The following LRRFIP1 variants were observed in gnomAD, a reference collection of about 807,000 sequenced individuals.
The protein encoded by LRRFIP1 is LRR binding FLII interacting protein 1.
In LRRFIP1, 62 loss-of-function variants were observed where a neutral mutation model predicts 104.4. The ratio of observed to expected loss-of-function variants is 0.59; its 90% confidence interval spans 0.48 to 0.73. The LOEUF is 0.73. Among genes scored for constraint, LRRFIP1 ranks in the 30% least tolerant of loss-of-function variants. LRRFIP1 has a pLI of 0.00. For synonymous variants in LRRFIP1, 300 were observed against 299.0 expected (o/e 1.00, Z -0.03); for missense variants, 796 against 824.5 (o/e 0.97, Z 0.42).
intron 1 of LRRFIP1, chr2:237,692,138 C>A: frequency 1.2e-6 from 1 of 843,214 alleles, no homozygotes. Flanking sequence ...CCCTCCGAGG[C>A]GGAACTGCGT....
At chr2:237,704,455 A>G (rs1016955329) in intron 1 of LRRFIP1, among the ~76,000 whole-genome samples, 10 of 151,802 alleles carry the variant, frequency 6.6e-5, no homozygotes, top group Admixed American at 3.3e-4. Context: ...CGCCTGGCCA[A>G]CTCTACGGAT....
At chr2:237,629,979 C>G (rs1311716121) in intron 1 of LRRFIP1, among the ~76,000 whole-genome samples, 1 of 152,156 alleles carries the variant, frequency 6.6e-6, no homozygotes, top group African/African-American at 2.4e-5. Context: ...TTCTCTGGGC[C>G]TCTGTTTTCT....
chr2:237,736,812 C>T (rs556475489), intron 10 of LRRFIP1, among the ~76,000 whole-genome samples: 2 of 152,314 alleles, frequency 1.3e-5, no homozygotes, highest in East Asian at 1.9e-4. Flanking sequence ...ATGAGGAAGA[C>T]GGAAGGGACA....
chr2:237,698,861 A>G (rs1283422276), intron 1 of LRRFIP1, among the ~76,000 whole-genome samples: 1 of 152,254 alleles, frequency 6.6e-6, no homozygotes, highest in African/African-American at 2.4e-5. Flanking sequence ...CTGTCTTTTT[A>G]CAAGTTCCTT....
rs1276645184 is a variant in LRRFIP1 at position 237,769,799 on chromosome 2, C to T, written c.1460-144C>T. ...TGTGGCCTCATTCACCCCGTCCTGT[C>T]TGTGGCCTCATTCACCGTGGTACGT... On this transcript the variant is annotated intron_variant, in intron 19 of 23. Coordinates refer to ENST00000308482, the MANE Select transcript of LRRFIP1 (RefSeq NM_001137550.2). The T allele has an allele frequency of 4.4e-6, 3 of 686,984 alleles. No individual in the cohort carries two copies. The Admixed American group carries it at 6.4e-5, about 15-fold the overall frequency. 42.6% of individuals were successfully genotyped at this position (686,984 alleles called of 1,614,324 possible).
intron 19 of LRRFIP1, chr2:237,763,662 T>C (rs1327067175): frequency 6.2e-7 from 1 of 1,614,152 alleles, no homozygotes; most frequent in Admixed American, 1.7e-5. Context: ...AATCCTAAAA[T>C]TAAGTTGGAT....
At chr2:237,751,177 G>A in intron 13 of LRRFIP1, 23 bp from the exon 14 acceptor site, 2 of 1,570,346 alleles carry the variant, frequency 1.3e-6, no homozygotes, top group Admixed American at 3.5e-5. Flanking sequence ...GACATCATCT[G>A]CCTTTTTTGC....
rs376557592 is a variant in LRRFIP1, at chr2:237,661,825, C to T, written c.96+34085C>T. ...GTAGTTCTGTGGCCCAGCTGAGTGG[C>T]ATAGGCTCTCCTGACCCAGGTACCT... On this transcript the variant is annotated intron_variant, in intron 1 of 23. Coordinates refer to ENST00000308482, the MANE Select transcript of LRRFIP1 (RefSeq NM_001137550.2). This position sits in a 1 kb window ranked among gnomAD's most constrained non-coding sequence, Gnocchi z 4.4. 3.3e-5 allele frequency among the ~76,000 whole-genome samples: 5 copies of T among 152,284 alleles called. No homozygotes were observed. The East Asian group carries it at 9.6e-4, about 29-fold the overall frequency.
intron 1 of LRRFIP1, among the ~76,000 whole-genome samples, chr2:237,628,998 TCGCACCAGG>T (rs1391884355): frequency 2.0e-5 from 3 of 152,156 alleles, no homozygotes; most frequent in African/African-American, 4.8e-5. Context: ...CCCTCTCACA[TCGCACCAGG>T]CCTAAGTCTC....
chr2:237,662,536 A>AT (rs1049007235), intron 1 of LRRFIP1, among the ~76,000 whole-genome samples: 1 of 151,654 alleles, frequency 6.6e-6, no homozygotes, highest in Non-Finnish European at 1.5e-5. Flanking sequence ...GTCTGAATGT[A>AT]TTTTTTTTCT....
intron 11 of LRRFIP1, among the ~76,000 whole-genome samples, chr2:237,739,809 C>T (rs1386531262): frequency 6.6e-6 from 1 of 152,184 alleles, no homozygotes; most frequent in African/African-American, 2.4e-5. Flanking sequence ...CCTATTAGGT[C>T]ATCCCCAGCT....
chr2:237,655,641 G>C (rs1002683996), intron 1 of LRRFIP1, among the ~76,000 whole-genome samples: 1 of 152,208 alleles, frequency 6.6e-6, no homozygotes, highest in East Asian at 1.9e-4. Flanking sequence ...ATCCACTAAA[G>C]CTGATTTGGG....
intron 6 of LRRFIP1, chr2:237,721,109 C>T (rs915206557): frequency 2.8e-6 from 1 of 354,638 alleles, no homozygotes; most frequent in African/African-American, 2.0e-5. Flanking sequence ...TTGATTAGCA[C>T]AGTTGTCTCA....
At chr2:237,680,887 G>A (rs1170642990) in intron 1 of LRRFIP1, among the ~76,000 whole-genome samples, 1 of 152,144 alleles carries the variant, frequency 6.6e-6, no homozygotes, top group East Asian at 1.9e-4. Context: ...AGGCTGAGAT[G>A]GGAGGATCAC....
intron 20 of LRRFIP1, among the ~76,000 whole-genome samples, chr2:237,771,086 T>C (rs2060576345): frequency 6.6e-6 from 1 of 152,126 alleles, no homozygotes. Flanking sequence ...AGGGGTCTCC[T>C]GTGCTTGGTG....
In LRRFIP1 at chr2:237,691,124, G is replaced by T. The variant is rs75481859; in HGVS notation, c.97-17420G>T. ...CGTTACCAAGTTGGGTCAGCGTGCA[G>T]AGAAAAGGGAATTGGGAATTGGAGG... On this transcript the variant is annotated intron_variant, in intron 1 of 23. Coordinates refer to ENST00000308482, the MANE Select transcript of LRRFIP1 (RefSeq NM_001137550.2). This position sits in a 1 kb window ranked among gnomAD's most constrained non-coding sequence, Gnocchi z 5.4. 0.073 allele frequency among the ~76,000 whole-genome samples: 11,014 copies of T among 150,816 alleles called. 1,246 individuals carry two copies. Among genetic ancestry groups the T allele is most frequent in the African/African-American group, 0.25 (9,937 of 40,246 alleles).
At chr2:237,704,254 G>A (rs561809358) in intron 1 of LRRFIP1, among the ~76,000 whole-genome samples, 4 of 150,212 alleles carry the variant, frequency 2.7e-5, no homozygotes, top group East Asian at 2.0e-4. Context: ...CCAGGTTCAC[G>A]TAATTCTTCT....
At position 237,727,965 on chromosome 2, in the gene LRRFIP1, A is replaced by G. The variant is rs1022564832; in HGVS notation, c.444+30A>G. 4.6e-6 allele frequency: 7 copies of G among 1,516,490 alleles called. No homozygotes were observed. The African/African-American group carries it at 9.7e-5, about 21-fold the overall frequency. The allele number at this position is 1,516,490 out of a possible 1,614,324, so 93.9% of individuals were successfully genotyped here. ...GTATAGTAAATTTGCATGGCTCAAA[A>G]TTCAAATAGGTTGTTTCAAAGCTTC... On this transcript the variant is annotated intron_variant, in intron 8 of 23. Transcript: ENST00000308482.
chr2:237,769,750 G>C, intron 19 of LRRFIP1, 193 bp from the exon 20 acceptor site: 1 of 573,894 alleles, frequency 1.7e-6, no homozygotes, highest in South Asian at 2.1e-5. Flanking sequence ...CATGTTCTGG[G>C]AGGTTGACCC....
Sources: gnomAD v4.1 joint callset for allele counts (sites outside exome capture counted in the v4.1 genomes callset) on GRCh38, gnomAD v4.1.1 for gene constraint, Gnocchi (gnomAD v3.1) non-coding constraint, MANE v1.5 for transcripts, NCBI Gene and HGNC (gene_info 2026-07-23, HGNC 2026-07-21) for gene names.